Variants in RSKR observed in about 807,000 individuals in gnomAD.
The protein encoded by RSKR is ribosomal protein S6 kinase-related protein.
RSKR carries 44 observed loss-of-function variants against 56.8 expected under a neutral mutation model. The observed-to-expected ratio is 0.77, with a 90% confidence interval of 0.61 to 1.00. The LOEUF is 1.00. Among genes scored for constraint, RSKR ranks in the 50% least tolerant of loss-of-function variants. The probability of loss-of-function intolerance (pLI) is 0.00; values close to 1 mark genes in which losing one functional copy is unlikely to be tolerated. For missense variants in RSKR, 510 were observed against 506.9 expected (o/e 1.01, Z -0.06); for synonymous variants, 181 against 188.0 (o/e 0.96, Z 0.30).
intron 5 of RSKR, 72 bp from the exon 6 acceptor site, chr17:28,612,438 C>T (rs1188299507): frequency 6.7e-6 from 10 of 1,497,046 alleles, no homozygotes; most frequent in Admixed American, 3.5e-5. Context: ...AATGCCTGGG[C>T]TCAAGGCATT....
At chr17:28,613,215 G>A (rs2070848253) in intron 3 of RSKR, 47 bp downstream of exon 3, 1 of 1,612,632 alleles carries the variant, frequency 6.2e-7, no homozygotes, top group Admixed American at 1.7e-5. Context: ...CAACCTCTCT[G>A]GAATCAAGAT....
chr17:28,611,295 A>G, intron 10 of RSKR, 42 bp from the exon 11 acceptor site: 1 of 1,531,698 alleles, frequency 6.5e-7, no homozygotes, highest in Non-Finnish European at 8.7e-7. Flanking sequence ...GTAGGGGTTC[A>G]TTCCTTAGTA....
At chr17:28,612,742 G>A (rs2070837519) in intron 4 of RSKR, 55 bp from the exon 5 acceptor site, 1 of 1,569,300 alleles carries the variant, frequency 6.4e-7, no homozygotes, top group African/African-American at 1.4e-5. Flanking sequence ...GAGAATAAAG[G>A]CAGCTGAGAA....
chr17:28,610,658 A>C lies in RSKR; in HGVS notation c.1053T>G (p.His351Gln). Residue 351 changes from histidine (H) to glutamine (Q), a missense_variant, in exon 12 of 12, where the codon CAT (histidine) becomes CAG (glutamine). Physicochemically the swap from His to Gln is conservative, Grantham distance 24 (BLOSUM62 0). Coordinates refer to ENST00000301037, the MANE Select transcript of RSKR (RefSeq NM_001174103.2). ...QNPLHRLRYL[H>Q]HFQVHPFFRG... is the part of the protein sequence containing the mutation. ...GAAAGAAAGGGTGGACCTGGAAGTG[A>C]TGCAGATAACGTAGACGATGGAGGG... 1 of 1,536,170 alleles carries C rather than the reference A, an allele frequency of 6.5e-7. No homozygotes were observed. Among genetic ancestry groups the C allele is most frequent in the East Asian group, 2.4e-5 (1 of 40,912 alleles).
At chr17:28,612,901 T>C (rs1424383834) in intron 4 of RSKR, 177 bp downstream of exon 4, 4 of 771,646 alleles carry the variant, frequency 5.2e-6, no homozygotes, top group African/African-American at 5.2e-5. Flanking sequence ...ATTTCCCTAG[T>C]AGGACATGGG....
intron 1 of RSKR, 47 bp downstream of exon 1, chr17:28,614,040 G>A: frequency 6.3e-7 from 1 of 1,596,660 alleles, no homozygotes; most frequent in Non-Finnish European, 8.6e-7. Context: ...TCAAGCCCAT[G>A]TCTCCCTCTC....
chr17:28,612,737 T>A (rs746785181), intron 4 of RSKR, 50 bp from the exon 5 acceptor site: 11 of 1,577,840 alleles, frequency 7.0e-6, no homozygotes, highest in Non-Finnish European at 9.6e-6. Context: ...TCATTGAGAA[T>A]AAAGGCAGCT....
At position 28,613,267 on chromosome 17, in the gene RSKR, C is replaced by G; in HGVS notation, c.403G>C (p.Val135Leu). The G allele has an allele frequency of 6.2e-7, 1 of 1,614,218 alleles. No homozygotes were observed. Among genetic ancestry groups the G allele is most frequent in the Non-Finnish European group, 8.5e-7 (1 of 1,180,044 alleles). Residue 135 changes from valine to leucine, a missense_variant, in exon 3 of 12, where the codon GTG (valine) becomes CTG (leucine). Coordinates refer to ENST00000301037, the MANE Select transcript of RSKR (RefSeq NM_001174103.2). ...LDCTQKAVFA[V>L]KVVPKVKVLQ... ...TGTGGTATCTACGCCCCTACCTTCACTGCAAATACAGCTTTCTGGGTGCAA... is the reference window on the plus strand; with the variant it reads ...TGTGGTATCTACGCCCCTACCTTCAGTGCAAATACAGCTTTCTGGGTGCAA...
At position 28,610,419 on chromosome 17, in the gene RSKR, G is replaced by A. The variant is rs182237532; in HGVS notation, c.*59C>T. 1,123 of 1,415,634 alleles carry A rather than the reference G, an allele frequency of 7.9e-4. 5 individuals are homozygous for A. Among genetic ancestry groups the A allele is most frequent in the Non-Finnish European group, 3.7e-4 (383 of 1,038,862 alleles). 87.7% of individuals were successfully genotyped at this position (1,415,634 alleles called of 1,614,324 possible). ...TGGATTATCAAGGTGGTCATACTGA[G>A]TAGGCAGGGATGGAGATCTTCAGGC... On this transcript the variant is annotated 3_prime_UTR_variant, in exon 12 of 12. Coordinates refer to ENST00000301037, the MANE Select transcript of RSKR (RefSeq NM_001174103.2).
rs959707713 is a variant in RSKR at position 28,613,429 on chromosome 17, C to T, written c.324+11G>A. 84 of 1,614,040 alleles carry T rather than the reference C, an allele frequency of 5.2e-5. No individual in the cohort carries two copies. The highest frequency in any genetic ancestry group is 6.5e-5 in the Non-Finnish European group (77 of 1,180,032). ...AGACTGAGACCCCACTCAGGGATTC[C>T]ACTGACTTACCTTCAGCTGCTGCTG... On this transcript the variant is annotated intron_variant, in intron 2 of 11. Transcript: ENST00000301037.
Position 28,611,392 on chromosome 17 carries a change from C to A in RSKR, c.900+1G>T. 5 of 1,578,872 alleles carry A rather than the reference C, an allele frequency of 3.2e-6. No individual in the cohort carries two copies. Among genetic ancestry groups the A allele is most frequent in the Non-Finnish European group, 4.3e-6 (5 of 1,168,498 alleles). On this transcript the variant is annotated splice_donor_variant, in intron 10 of 11. Transcript: ENST00000301037. LOFTEE classifies it high-confidence loss of function. Reference sequence around the variant, plus strand: ...GCCCAAAACTACTACTATTCTCTCACCTTTCCAGTCGCCAGAGAGAAAAGC... The same window carrying A: ...GCCCAAAACTACTACTATTCTCTCAACTTTCCAGTCGCCAGAGAGAAAAGC...
In RSKR at chr17:28,610,249, C is replaced by T. The variant is rs1215260355; in HGVS notation, c.*229G>A. On this transcript the variant is annotated 3_prime_UTR_variant, in exon 12 of 12. Transcript: ENST00000301037. ...AAAAGGAAAAGGTCACCACCCTGAT[C>T]TGACATGTTGAATTGAGAGGTAGGT... The T allele has an allele frequency of 1.9e-6, 1 of 538,520 alleles. No individual in the cohort carries two copies. The highest frequency in any genetic ancestry group is 3.1e-5 in the Admixed American group (1 of 32,114). 33.4% of individuals were successfully genotyped at this position (538,520 alleles called of 1,614,324 possible). A position where few individuals can be genotyped will look rare whatever the true frequency, so the allele number is the denominator to read the frequency against.
At chr17:28,613,988 G>C in intron 1 of RSKR, 99 bp downstream of exon 1, 1 of 1,471,976 alleles carries the variant, frequency 6.8e-7, no homozygotes, top group Non-Finnish European at 9.3e-7. Context: ...CCCCCACATT[G>C]GGTAATCACT....
At position 28,613,255 on chromosome 17, in the gene RSKR, C is replaced by T; in HGVS notation, c.408+7G>A. ...AACAGAGACTAATGTGGTATCTACG[C>T]CCCTACCTTCACTGCAAATACAGCT... On this transcript the variant is annotated splice_region_variant and intron_variant, in intron 3 of 11. Coordinates refer to ENST00000301037, the MANE Select transcript of RSKR (RefSeq NM_001174103.2). 6.2e-7 allele frequency: 1 copy of T among 1,614,178 alleles called. No individual in the cohort carries two copies. The highest frequency in any genetic ancestry group is 8.5e-7 in the Non-Finnish European group (1 of 1,180,030).
rs1489214434 is a variant in RSKR, at chr17:28,613,574, G to A, written c.190C>T (p.Leu64=). ...ELWELRGHHY[L]HQESLKPAPV... is the part of the protein sequence containing the mutation. ...GCTGGCTTTAGGGATTCCTGGTGCA[G>A]ATAGTGGTGCCCCCGTAGTTCCCAG... The change falls in exon 2 of 12, where the codon CTG becomes TTG. Residue 64 remains leucine, a synonymous_variant. Transcript: ENST00000301037. The A allele has an allele frequency of 1.2e-6, 2 of 1,614,102 alleles. No homozygotes were observed. Among genetic ancestry groups the A allele is most frequent in the East Asian group, 2.2e-5 (1 of 44,894 alleles).
intron 7 of RSKR, 114 bp downstream of exon 7, chr17:28,611,930 G>T: frequency 2.5e-6 from 4 of 1,611,830 alleles, no homozygotes; most frequent in Non-Finnish European, 3.4e-6. Flanking sequence ...CAAATCCTTG[G>T]CACCCATGGG....
chr17:28,612,280 C>T lies in RSKR; in HGVS notation c.634G>A (p.Glu212Lys). 4 of 1,614,178 alleles carry T rather than the reference C, an allele frequency of 2.5e-6. No homozygotes were observed. Among genetic ancestry groups the T allele is most frequent in the East Asian group, 2.2e-5 (1 of 44,884 alleles). The change falls in exon 6 of 12, where the codon GAG becomes AAG. Residue 212 changes from glutamate to lysine, a missense_variant. Glu to Lys is a moderately conservative substitution (Grantham distance 56). Transcript: ENST00000301037. ...CACTTACACAGTACCAGCACCAACT[C>T]GGCAGCAAAGAGACGGATGGAAGCC... Reference protein sequence around the residue: ...PEASIRLFAAELVLVLCYLHD... With the variant: ...PEASIRLFAAKLVLVLCYLHD...
chr17:28,613,669 C>T lies in RSKR; in HGVS notation c.95G>A (p.Gly32Asp), dbSNP rs1456606415. ...VPHKQGGNIR[G>D]PWARGWKSLW... ...GCTCTTCCAGCCTCGGGCCCAGGGACCCCGGATGTTGCCACCCTGCTGAGA... is the reference window on the plus strand; with the variant it reads ...GCTCTTCCAGCCTCGGGCCCAGGGATCCCGGATGTTGCCACCCTGCTGAGA... The change falls in exon 2 of 12, where the codon GGT becomes GAT. Residue 32 changes from glycine to aspartate, a missense_variant. Transcript: ENST00000301037. 1 of 1,614,056 alleles carries T rather than the reference C, an allele frequency of 6.2e-7. No homozygotes were observed. The highest frequency in any genetic ancestry group is 2.2e-5 in the East Asian group (1 of 44,872).
In RSKR at chr17:28,610,713, G is replaced by C; in HGVS notation, c.1012-14C>G. The C allele has an allele frequency of 1.3e-6, 2 of 1,534,976 alleles. No homozygotes were observed. The highest frequency in any genetic ancestry group is 8.7e-7 in the Non-Finnish European group (1 of 1,145,880). ...CTGGCATAAGAGCTGAAGGAAAATA[G>C]AGCATGAAGGATGAGTGACTAGGAC... is the stretch of plus-strand genomic sequence containing the variant. On this transcript the variant is annotated splice_polypyrimidine_tract_variant and intron_variant, in intron 11 of 11. Coordinates refer to ENST00000301037, the MANE Select transcript of RSKR (RefSeq NM_001174103.2).
Sources: gnomAD v4.1 joint callset for allele counts on GRCh38, gnomAD v4.1.1 for gene constraint, MANE v1.5 for transcripts, NCBI Gene and HGNC (gene_info 2026-07-23, HGNC 2026-07-21) for gene names.